Variants in JAK3 observed in about 807,000 individuals in gnomAD.
JAK3 encodes tyrosine-protein kinase JAK3.
Under a neutral mutation model 120.8 loss-of-function variants are expected in JAK3, and 88 were observed. The observed-to-expected ratio is 0.73, with a 90% CI of 0.61 to 0.87. JAK3 has a LOEUF of 0.87. Ranked by LOEUF, JAK3 falls within the 40% of genes least tolerant of loss-of-function variation. The pLI is 0.00. For missense variants in JAK3, 1,254 were observed against 1,501.4 expected (o/e 0.84, Z 2.72); for synonymous variants, 592 against 628.6 (o/e 0.94, Z 0.87).
chr19:17,837,219 G>A lies in JAK3; in HGVS notation c.1702-6C>T. 1.3e-6 allele frequency: 2 copies of A among 1,560,020 alleles called. No homozygotes were observed. Among genetic ancestry groups the A allele is most frequent in the South Asian group, 1.2e-5 (1 of 84,560 alleles). ...CTCGCTGCTTCCAGGAATGACTGGGGAAGGTGGGAAGGGAGAGAAGATGCG... is the reference window on the plus strand; with the variant it reads ...CTCGCTGCTTCCAGGAATGACTGGGAAAGGTGGGAAGGGAGAGAAGATGCG... On this transcript the variant is annotated splice_polypyrimidine_tract_variant and splice_region_variant and intron_variant, in intron 12 of 23. Transcript: ENST00000458235.
Position 17,846,097 on chromosome 19 carries a change from C to T in JAK3, c.-13-1667G>A, listed in dbSNP as rs551341047. On this transcript the variant is annotated intron_variant, in intron 1 of 23. Transcript: ENST00000458235. The stretch of plus-strand genomic sequence containing the variant: ...ACTCCCAAAGTGCTGGGATTACCGG[C>T]GTGAGAAACTGCGCCTGGCCTAATG... Among the ~76,000 whole-genome samples, 3 of 152,134 alleles carry T rather than the reference C, an allele frequency of 2.0e-5. No individual in the cohort carries two copies. The South Asian group carries it at 6.2e-4, about 32-fold the overall frequency.
chr19:17,831,425 C>A lies in JAK3; in HGVS notation c.2806-25G>T. ...CCTGCGGGCGGGCGGTGTGAGCGTG[C>A]AGAGAGGATCCCAGGATAATCCGGC... On this transcript the variant is annotated intron_variant, in intron 20 of 23. Coordinates refer to ENST00000458235, the MANE Select transcript of JAK3 (RefSeq NM_000215.4). The surrounding 1 kb of genome is among the most constrained non-coding windows in gnomAD (Gnocchi z 5.1). 6.2e-7 allele frequency: 1 copy of A among 1,600,120 alleles called. No homozygotes were observed.
At position 17,844,413 on chromosome 19, in the gene JAK3, G is replaced by C; in HGVS notation, c.5C>G (p.Ala2Gly). ...CAGGGGCGTCTCTTCACTTGGAGGT[G>C]CCATGAGTGCAACTTGCCTGGGGCA... is the stretch of plus-strand genomic sequence containing the variant. The part of the protein sequence containing the change: M[A>G]PPSEETPLIP... Residue 2 changes from alanine (A) to glycine (G), a missense_variant, in exon 2 of 24, where the codon GCA becomes GGA. Ala to Gly is a moderately conservative substitution (Grantham distance 60, BLOSUM62 0). Around this residue, in one of 3 missense-constraint regions of JAK3, gnomAD observed 138 missense variants for 178.7 expected, o/e 0.77. Coordinates refer to ENST00000458235, the MANE Select transcript of JAK3 (RefSeq NM_000215.4). 4 of 1,609,656 alleles carry C rather than the reference G, an allele frequency of 2.5e-6. No individual in the cohort carries two copies. The highest frequency in any genetic ancestry group is 3.4e-6 in the Non-Finnish European group (4 of 1,178,592).
intron 8 of JAK3, among the ~76,000 whole-genome samples, chr19:17,840,676 T>A (rs1377917193): frequency 6.6e-6 from 1 of 150,558 alleles, no homozygotes; most frequent in Non-Finnish European, 1.5e-5. Context: ...GGCAGGAGAA[T>A]GGCGTGACCC....
At position 17,824,904 on chromosome 19, in the gene JAK3, C is replaced by G; in HGVS notation, c.*1839G>C. 4.6e-6 allele frequency: 1 copy of G among 217,890 alleles called. No homozygotes were observed. 13.5% of individuals were successfully genotyped at this position (217,890 alleles called of 1,614,324 possible). ...GAGACAGCTGGACACAGACACTTCC[C>G]CAGCCCCAGGGCCAGAGTGGGGCTG... is the stretch of plus-strand genomic sequence containing the variant. On this transcript the variant is annotated 3_prime_UTR_variant, in exon 24 of 24. Coordinates refer to ENST00000458235, the MANE Select transcript of JAK3 (RefSeq NM_000215.4).
Position 17,832,911 on chromosome 19 carries a change from T to A in JAK3, c.2369A>T (p.Asp790Val). Residue 790 changes from aspartate to valine, a missense_variant, in exon 18 of 24, where the codon GAC becomes GTC. Asp to Val is a radical substitution (Grantham distance 152). Around this residue, in one of 3 missense-constraint regions of JAK3, gnomAD observed 630 missense variants for 819.8 expected, o/e 0.77. Transcript: ENST00000458235. This position sits in a 1 kb window ranked among gnomAD's most constrained non-coding sequence, Gnocchi z 4.7. Reference protein sequence around the residue: ...LISSDYELLSDPTPGALAPRD... With the variant: ...LISSDYELLSVPTPGALAPRD... Reference sequence around the variant, plus strand: ...AGGTGCCAGGGCACCAGGTGTGGGGTCTGAGAGGAGCTCATAGTCTGGGGT... The same window carrying A: ...AGGTGCCAGGGCACCAGGTGTGGGGACTGAGAGGAGCTCATAGTCTGGGGT... 2 of 1,613,956 alleles carry A rather than the reference T, an allele frequency of 1.2e-6. No individual in the cohort carries two copies. The highest frequency in any genetic ancestry group is 2.7e-5 in the African/African-American group (2 of 75,048).
At position 17,841,225 on chromosome 19, in the gene JAK3, G is replaced by A. The variant is rs760761834; in HGVS notation, c.1142+164C>T. On this transcript the variant is annotated intron_variant, in intron 8 of 23. Coordinates refer to ENST00000458235, the MANE Select transcript of JAK3 (RefSeq NM_000215.4). This position sits in a 1 kb window ranked among gnomAD's most constrained non-coding sequence, Gnocchi z 4.1. Reference sequence around the variant, plus strand: ...GAGAGAGTAGTGGTCGCCCTGTGAAGCAGAAGGAATACTTCAGCTTCACTG... The same window carrying A: ...GAGAGAGTAGTGGTCGCCCTGTGAAACAGAAGGAATACTTCAGCTTCACTG... 2.0e-5 allele frequency among the ~76,000 whole-genome samples: 3 copies of A among 152,168 alleles called. No individual in the cohort carries two copies. The highest frequency in any genetic ancestry group is 4.8e-5 in the African/African-American group (2 of 41,444).
At chr19:17,827,010 AGCTCTGTT>A in intron 23 of JAK3, 100 bp from the exon 24 acceptor site, 1 of 1,338,640 alleles carries the variant, frequency 7.5e-7, no homozygotes, top group African/African-American at 1.4e-5. Flanking sequence ...GACGGAGTCT[AGCTCTGTT>A]GTCCAGGCTG....
chr19:17,843,941 C>T lies in JAK3; in HGVS notation c.185-41G>A. 1 of 1,611,284 alleles carries T rather than the reference C, an allele frequency of 6.2e-7. No individual in the cohort carries two copies. The highest frequency in any genetic ancestry group is 8.5e-7 in the Non-Finnish European group (1 of 1,178,794). On this transcript the variant is annotated intron_variant, in intron 2 of 23. Coordinates refer to ENST00000458235, the MANE Select transcript of JAK3 (RefSeq NM_000215.4). This position sits in a 1 kb window ranked among gnomAD's most constrained non-coding sequence, Gnocchi z 5.4. ...CCATCAGCTCCCTCCTGAGTCACCC[C>T]ATCTGTGCCCTTCAGGAGTGCCAGC...
chr19:17,843,114 C>A lies in JAK3; in HGVS notation c.479G>T (p.Gly160Val). The change falls in exon 5 of 24, where the codon GGT becomes GTT. Residue 160 changes from glycine (G) to valine (V), a missense_variant. By Grantham distance (109) the Gly-to-Val change is moderately radical. Coordinates refer to ENST00000458235, the MANE Select transcript of JAK3 (RefSeq NM_000215.4). This position sits in a 1 kb window ranked among gnomAD's most constrained non-coding sequence, Gnocchi z 5.4. ...LPVGLSLKEQGECLSLAVLDL... is the reference protein window; with the variant it reads ...LPVGLSLKEQVECLSLAVLDL... The stretch of plus-strand genomic sequence containing the variant: ...CAACACGGCCAGGCTGAGACACTCA[C>A]CCTGCTCCTTGAGACTGAGGCCCAC... 6.2e-7 allele frequency: 1 copy of A among 1,610,082 alleles called. No individual in the cohort carries two copies. Among genetic ancestry groups the A allele is most frequent in the Middle Eastern group, 1.7e-4 (1 of 6,052 alleles).
At chr19:17,833,532 C>A (rs1240001727) in intron 17 of JAK3, among the ~76,000 whole-genome samples, 3 of 141,088 alleles carry the variant, frequency 2.1e-5, no homozygotes, top group Non-Finnish European at 3.0e-5. Context: ...CATAGCAAAA[C>A]CCCATCACAG....
chr19:17,842,265 C>A lies in JAK3; in HGVS notation c.861+51G>T. 5 of 1,414,150 alleles carry A rather than the reference C, an allele frequency of 3.5e-6. No individual in the cohort carries two copies. The South Asian group carries it at 4.2e-5, about 12-fold the overall frequency. 87.6% of individuals were successfully genotyped at this position (1,414,150 alleles called of 1,614,324 possible). A position where few individuals can be genotyped will look rare whatever the true frequency, so the allele number is the denominator to read the frequency against. On this transcript the variant is annotated intron_variant, in intron 6 of 23. Coordinates refer to ENST00000458235, the MANE Select transcript of JAK3 (RefSeq NM_000215.4). This position sits in a 1 kb window ranked among gnomAD's most constrained non-coding sequence, Gnocchi z 6.4. ...TCCCCTACCACTCTCCGGCCCCTCC[C>A]CGAGCCCCGCCCCCACGTTGGCCCC...
At position 17,831,628 on chromosome 19, in the gene JAK3, G is replaced by A. The variant is rs1194551294; in HGVS notation, c.2805+46C>T. 6.3e-6 allele frequency: 10 copies of A among 1,585,432 alleles called. No individual in the cohort carries two copies. Among genetic ancestry groups the A allele is most frequent in the Non-Finnish European group, 8.6e-6 (10 of 1,168,198 alleles). On this transcript the variant is annotated intron_variant, in intron 20 of 23. Coordinates refer to ENST00000458235, the MANE Select transcript of JAK3 (RefSeq NM_000215.4). The surrounding 1 kb of genome is among the most constrained non-coding windows in gnomAD (Gnocchi z 5.1). ...GACCTCCAAGCAGACCCCTGCCCAG[G>A]CCGTGCCAGCTGAATCCCCACAAGT...
chr19:17,832,481 C>CCATA lies in JAK3; in HGVS notation c.2680+34_2680+37dup, dbSNP rs2094216091. On this transcript the variant is annotated intron_variant, in intron 19 of 23. Coordinates refer to ENST00000458235, the MANE Select transcript of JAK3 (RefSeq NM_000215.4). This position sits in a 1 kb window ranked among gnomAD's most constrained non-coding sequence, Gnocchi z 4.7. ...TAAGAATGTGCACTTTGAAAAGCAC[C>CCATA]CATACGTCTTGGTTCACTCATCCGG... 1 of 1,603,514 alleles carries CCATA rather than the reference C, an allele frequency of 6.2e-7. No individual in the cohort carries two copies. The highest frequency in any genetic ancestry group is 2.2e-5 in the East Asian group (1 of 44,826).
rs1173159755 is a variant in JAK3, at chr19:17,834,553, A to C, written c.2350+18T>G. On this transcript the variant is annotated intron_variant, in intron 17 of 23. Coordinates refer to ENST00000458235, the MANE Select transcript of JAK3 (RefSeq NM_000215.4). ...ATGACATCACAGCCCTCCCCACCCA[A>C]CCCGTCCCAGCGGGCACCTGAAGAG... 3 of 1,610,026 alleles carry C rather than the reference A, an allele frequency of 1.9e-6. No individual in the cohort carries two copies. The highest frequency in any genetic ancestry group is 1.3e-5 in the African/African-American group (1 of 74,614).
intron 17 of JAK3, 140 bp from the exon 18 acceptor site, chr19:17,833,069 C>A: frequency 6.9e-7 from 1 of 1,446,890 alleles, no homozygotes; most frequent in South Asian, 1.4e-5. Flanking sequence ...CAAAGGGTAC[C>A]TTGTGGAGAC....
Position 17,844,436 on chromosome 19 carries a change from G to A in JAK3, c.-13-6C>T, listed in dbSNP as rs2147701302. On this transcript the variant is annotated splice_polypyrimidine_tract_variant and splice_region_variant and intron_variant, in intron 1 of 23. Transcript: ENST00000458235. ...GTGCCATGAGTGCAACTTGCCTGGG[G>A]CACAGAGAGAAAAAGCCCCTCAGTC... 2 of 1,601,212 alleles carry A rather than the reference G, an allele frequency of 1.2e-6. No individual in the cohort carries two copies. Among genetic ancestry groups the A allele is most frequent in the Non-Finnish European group, 1.7e-6 (2 of 1,174,636 alleles).
Position 17,831,506 on chromosome 19 carries a change from C to G in JAK3, c.2806-106G>C, listed in dbSNP as rs2147676263. 3 of 1,528,840 alleles carry G rather than the reference C, an allele frequency of 2.0e-6. No homozygotes were observed. The highest frequency in any genetic ancestry group is 2.7e-6 in the Non-Finnish European group (3 of 1,127,806). 94.7% of individuals were successfully genotyped at this position (1,528,840 alleles called of 1,614,324 possible). A position where few individuals can be genotyped will look rare whatever the true frequency, so the allele number is the denominator to read the frequency against. On this transcript the variant is annotated intron_variant, in intron 20 of 23. Transcript: ENST00000458235. This position sits in a 1 kb window ranked among gnomAD's most constrained non-coding sequence, Gnocchi z 5.1. ...CCCAGACCCCAACTATAACCCTACCCCCGAGCCATCCTCCACTGAAGTTCT... is the reference window on the plus strand; with the variant it reads ...CCCAGACCCCAACTATAACCCTACCGCCGAGCCATCCTCCACTGAAGTTCT...
rs751408569 is a variant in JAK3, at chr19:17,837,114, G to C, written c.1786+15C>G. On this transcript the variant is annotated intron_variant, in intron 13 of 23. Coordinates refer to ENST00000458235, the MANE Select transcript of JAK3 (RefSeq NM_000215.4). ...GGTGAGGCAGGGGTGGGGTGGGTGGGTGGGGGGCTCTCACTGTCTCCAGCC... is the reference window on the plus strand; with the variant it reads ...GGTGAGGCAGGGGTGGGGTGGGTGGCTGGGGGGCTCTCACTGTCTCCAGCC... 7.4e-7 allele frequency: 1 copy of C among 1,345,930 alleles called. No individual in the cohort carries two copies. Among genetic ancestry groups the C allele is most frequent in the African/African-American group, 1.5e-5 (1 of 66,310 alleles). The allele number at this position is 1,345,930 out of a possible 1,614,324, so 83.4% of individuals were successfully genotyped here.
Sources: allele counts gnomAD v4.1 joint callset (sites outside exome capture counted in the v4.1 genomes callset), GRCh38; gene constraint gnomAD v4.1.1; regional missense constraint gnomAD v4.1.1; non-coding constraint Gnocchi (gnomAD v3.1); transcripts MANE v1.5; gene names NCBI Gene and HGNC (gene_info 2026-07-23, HGNC 2026-07-21).